The following SLC1A6 variants were observed in gnomAD, a reference collection of about 807,000 sequenced individuals.
The protein encoded by SLC1A6 is excitatory amino acid transporter 4.
Under a neutral mutation model 42.1 loss-of-function variants are expected in SLC1A6, and 15 were observed. That is an observed-to-expected ratio of 0.36 (90% CI 0.24 to 0.55). The LOEUF is 0.55. SLC1A6 is among the 20% of genes least tolerant of loss of function. The pLI, the probability that SLC1A6 is intolerant of heterozygous loss-of-function variation, is 0.88. For synonymous variants in SLC1A6, 317 were observed against 319.7 expected, an observed-to-expected ratio of 0.99 and a Z score of 0.09; for missense variants, 542 against 772.5, an observed-to-expected ratio of 0.70 and a Z score of 3.54.
chr19:14,984,002 C>T (rs1211537664), upstream of SLC1A6, among the ~76,000 whole-genome samples: 1 of 152,090 alleles, frequency 6.6e-6, no homozygotes. Flanking sequence ...GTATTTGCTA[C>T]TTCAGTGTTC....
At chr19:14,998,731 T>A (rs1269282451) in intron 1 of SLC1A6, among the ~76,000 whole-genome samples, 10 of 152,196 alleles carry the variant, frequency 6.6e-5, no homozygotes, top group Non-Finnish European at 1.5e-5. Context: ...GAAATGGCTC[T>A]GCAAAGCTGT....
chr19:15,010,210 A>G (rs1209468682), intron 1 of SLC1A6, among the ~76,000 whole-genome samples: 1 of 85,818 alleles, frequency 1.2e-5, no homozygotes, highest in Non-Finnish European at 2.5e-5. Context: ...AAGAAAGAAA[A>G]AAGAAAGAGA....
At chr19:14,959,329 G>T (rs1016740911) in intron 6 of SLC1A6, among the ~76,000 whole-genome samples, 1 of 152,204 alleles carries the variant, frequency 6.6e-6, no homozygotes, top group Non-Finnish European at 1.5e-5. Flanking sequence ...AGATTGTAAA[G>T]TCTGGCTCCA....
intron 5 of SLC1A6, among the ~76,000 whole-genome samples, chr19:14,963,419 G>A (rs916296529): frequency 1.3e-5 from 2 of 152,088 alleles, no homozygotes; most frequent in African/African-American, 4.8e-5. Context: ...AATGTATTGT[G>A]TATTTGAAAA....
At chr19:15,000,729 A>G (rs1204262834) in intron 1 of SLC1A6, among the ~76,000 whole-genome samples, 2 of 152,286 alleles carry the variant, frequency 1.3e-5, no homozygotes, top group East Asian at 3.9e-4. Flanking sequence ...TCATGTTTTC[A>G]CACGGCATTG....
At chr19:14,985,687 G>A (rs558566660) in intron 1 of SLC1A6, among the ~76,000 whole-genome samples, 120 of 152,304 alleles carry the variant, frequency 7.9e-4, no homozygotes, top group African/African-American at 2.8e-3. Flanking sequence ...CAGTCTGGCC[G>A]GGCACTTGGC....
In SLC1A6 at chr19:14,971,767, A is replaced by G. The variant is rs770117690; in HGVS notation, c.313T>C (p.Leu105=). ...LLMRMLQMLV[L]PLIVSSLVTG... ...ACCAGGCTGGAGACAATGAGAGGTA[A>G]CACCAGCATCTGCAGCATCCTCATC... Residue 105 remains leucine (L), a synonymous_variant, in exon 3 of 10, where the codon TTA becomes CTA. Transcript: ENST00000594383. The G allele has an allele frequency of 6.2e-7, 1 of 1,614,154 alleles. No individual in the cohort carries two copies. Among genetic ancestry groups the G allele is most frequent in the Non-Finnish European group, 8.5e-7 (1 of 1,180,012 alleles).
intron 6 of SLC1A6, among the ~76,000 whole-genome samples, chr19:14,957,114 C>T (rs1373160974): frequency 2.6e-5 from 4 of 152,166 alleles, no homozygotes; most frequent in Non-Finnish European, 5.9e-5. Context: ...TCTTCTGCCC[C>T]CAACTGTTTG....
chr19:14,984,899 T>G (rs1600027460), intron 1 of SLC1A6, among the ~76,000 whole-genome samples: 1 of 152,298 alleles, frequency 6.6e-6, no homozygotes, highest in South Asian at 2.1e-4. Context: ...GTTTGTTTGT[T>G]TAGATAGAGT....
At chr19:14,989,794 C>A (rs2045810724) in intron 1 of SLC1A6, among the ~76,000 whole-genome samples, 1 of 147,190 alleles carries the variant, frequency 6.8e-6, no homozygotes, top group African/African-American at 2.6e-5. Context: ...GAGTTCGAGA[C>A]CAGCCTGGCC....
intron 1 of SLC1A6, among the ~76,000 whole-genome samples, chr19:15,008,258 T>C (rs1341502213): frequency 2.0e-5 from 3 of 151,942 alleles, no homozygotes; most frequent in Non-Finnish European, 4.4e-5. Context: ...GGCAGAAGGA[T>C]GGCTTGATAT....
At chr19:14,996,777 G>GATCA (rs1461269980) in intron 1 of SLC1A6, among the ~76,000 whole-genome samples, 1 of 151,854 alleles carries the variant, frequency 6.6e-6, no homozygotes, top group Non-Finnish European at 1.5e-5. Flanking sequence ...CAAGTCACTC[G>GATCA]ATCAATCAAT....
At chr19:14,995,803 A>C (rs2045843321) in intron 1 of SLC1A6, among the ~76,000 whole-genome samples, 1 of 152,174 alleles carries the variant, frequency 6.6e-6, no homozygotes, top group Non-Finnish European at 1.5e-5. Flanking sequence ...AGTAAAGTAT[A>C]GTAGTAGAAG....
In SLC1A6 at chr19:14,950,266, G is replaced by T. The variant is rs776941388; in HGVS notation, c.1624C>A (p.Pro542Thr). 1.2e-6 allele frequency: 2 copies of T among 1,611,934 alleles called. No homozygotes were observed. The highest frequency in any genetic ancestry group is 1.7e-6 in the Non-Finnish European group (2 of 1,178,752). ...AELTLPSLGK[P>T]YKSLMAQEKG... Reference sequence around the variant, plus strand: ...TCCTGTGCCATGAGGGACTTGTAGGGTTTCCCCAGGCTGGGGAGGGTAAGC... The same window carrying T: ...TCCTGTGCCATGAGGGACTTGTAGGTTTTCCCCAGGCTGGGGAGGGTAAGC... Residue 542 changes from proline to threonine, a missense_variant, in exon 10 of 10, where the codon CCC becomes ACC. Pro to Thr is a conservative substitution (Grantham distance 38). Coordinates refer to ENST00000594383, the MANE Select transcript of SLC1A6 (RefSeq NM_005071.3).
intron 6 of SLC1A6, among the ~76,000 whole-genome samples, chr19:14,961,024 G>T (rs533325131): frequency 6.9e-6 from 1 of 144,428 alleles, no homozygotes; most frequent in East Asian, 2.1e-4. Flanking sequence ...CTGTCCTCCC[G>T]CCTCAGCCTC....
rs145201481 is a variant in SLC1A6, at chr19:14,951,769, C to T, written c.1499+1159G>A. Among the ~76,000 whole-genome samples the T allele has an allele frequency of 1.4e-3, 211 of 151,946 alleles. 2 individuals are homozygous for T. Among genetic ancestry groups the T allele is most frequent in the African/African-American group, 4.9e-3 (203 of 41,444 alleles). Reference sequence around the variant, plus strand: ...CTGACCTCAGGTGATCTGCCCACCTCGGCCTCCCAAAGTGCTGGGATTACA... The same window carrying T: ...CTGACCTCAGGTGATCTGCCCACCTTGGCCTCCCAAAGTGCTGGGATTACA... On this transcript the variant is annotated intron_variant, in intron 9 of 9. Coordinates refer to ENST00000594383, the MANE Select transcript of SLC1A6 (RefSeq NM_005071.3).
At chr19:14,984,880 A>G (rs1189943383) in intron 1 of SLC1A6, among the ~76,000 whole-genome samples, 1 of 148,918 alleles carries the variant, frequency 6.7e-6, no homozygotes, top group Non-Finnish European at 1.5e-5. Flanking sequence ...TCAAAAGTGC[A>G]ATTTTTTTGT....
At chr19:14,954,917 C>G (rs911551607) in intron 7 of SLC1A6, among the ~76,000 whole-genome samples, 2 of 152,140 alleles carry the variant, frequency 1.3e-5, no homozygotes, top group African/African-American at 2.4e-5. Context: ...AGGACAGGAC[C>G]AAAGGTCTGC....
chr19:14,955,409 C>T (rs1262196599), intron 7 of SLC1A6, among the ~76,000 whole-genome samples: 1 of 151,798 alleles, frequency 6.6e-6, no homozygotes, highest in Non-Finnish European at 1.5e-5. Flanking sequence ...GGCAAAACCC[C>T]GTCTCTACCA....
Sources: allele counts gnomAD v4.1 joint callset (sites outside exome capture counted in the v4.1 genomes callset), GRCh38; gene constraint gnomAD v4.1.1; transcripts MANE v1.5; gene names NCBI Gene and HGNC (gene_info 2026-07-23, HGNC 2026-07-21).